The following ADGRV1 variants were observed in gnomAD, a reference collection of about 807,000 sequenced individuals.
ADGRV1 encodes the protein adhesion G protein-coupled receptor V1, also known as G-protein coupled receptor 98.
In ADGRV1, 359 loss-of-function variants were observed where a neutral mutation model predicts 596.2. That is an observed-to-expected ratio of 0.60 (90% CI 0.55 to 0.66). The LOEUF (loss-of-function observed/expected upper bound fraction) is 0.66, where lower values mean the gene tolerates loss of function less well. Ranked by LOEUF, ADGRV1 falls within the 30% of genes least tolerant of loss-of-function variation. The probability of loss-of-function intolerance (pLI) is 0.00; values close to 1 mark genes in which losing one functional copy is unlikely to be tolerated. For synonymous variants in ADGRV1, 2,681 were observed against 2,679.2 expected (o/e 1.00, Z -0.02); for missense variants, 7,274 against 7,575.6 (o/e 0.96, Z 1.48).
At chr5:90,926,223 G>T (rs1455317271) in intron 83 of ADGRV1, among the ~76,000 whole-genome samples, 2 of 152,062 alleles carry the variant, frequency 1.3e-5, no homozygotes, top group African/African-American at 4.8e-5. Flanking sequence ...CTTCCTCCTT[G>T]TACCTCTGGT....
intron 85 of ADGRV1, among the ~76,000 whole-genome samples, chr5:91,052,510 C>T (rs970071647): frequency 3.3e-5 from 5 of 151,536 alleles, no homozygotes; most frequent in Admixed American, 2.0e-4. Context: ...TCTCAGCTCA[C>T]TGCAGCCTCC....
intron 70 of ADGRV1, among the ~76,000 whole-genome samples, chr5:90,795,267 A>G (rs1200201441): frequency 6.6e-6 from 1 of 152,136 alleles, no homozygotes; most frequent in East Asian, 1.9e-4. Flanking sequence ...TCTCGCTGCC[A>G]GCACAGCAGC....
At chr5:90,916,555 T>C (rs1202832858) in intron 83 of ADGRV1, among the ~76,000 whole-genome samples, 1 of 152,124 alleles carries the variant, frequency 6.6e-6, no homozygotes, top group Non-Finnish European at 1.5e-5. Context: ...GTACATATTA[T>C]TCGATATTCA....
Position 90,645,977 on chromosome 5 carries a change from G to T in ADGRV1, c.2908G>T (p.Glu970Ter). ...IYSLPDEIPE[E>*]MEEFTVILLN... ...GTAACATTTTCCAAAGATTCCAGAA[G>T]AAATGGAAGAATTTACCGTTATCCT... is the stretch of plus-strand genomic sequence containing the variant. The change falls in exon 16 of 90, where the codon GAA becomes TAA. Residue 970 changes from glutamate to a stop codon, truncating the protein, a stop_gained. Coordinates refer to ENST00000405460, the MANE Select transcript of ADGRV1 (RefSeq NM_032119.4). LOFTEE classifies it high-confidence loss of function. 6.3e-7 allele frequency: 1 copy of T among 1,588,948 alleles called. No homozygotes were observed. The highest frequency in any genetic ancestry group is 1.2e-5 in the South Asian group (1 of 85,134).
At chr5:90,681,967 A>G (rs958047083) in intron 27 of ADGRV1, among the ~76,000 whole-genome samples, 1 of 151,812 alleles carries the variant, frequency 6.6e-6, no homozygotes, top group African/African-American at 2.4e-5. Flanking sequence ...CCTGGGTTCA[A>G]GCGATTCTCC....
chr5:90,702,264 C>T (rs1748003602), intron 34 of ADGRV1, among the ~76,000 whole-genome samples: 1 of 151,732 alleles, frequency 6.6e-6, no homozygotes. Context: ...ATACATAGTC[C>T]TTCATTTTCA....
chr5:90,815,331 A>G (rs893883657), intron 74 of ADGRV1, among the ~76,000 whole-genome samples: 2 of 152,220 alleles, frequency 1.3e-5, no homozygotes, highest in Non-Finnish European at 2.9e-5. Context: ...AATTTCAAGG[A>G]CTGTCAAATG....
In ADGRV1 at chr5:90,672,364, T is replaced by C. The variant is rs148522936; in HGVS notation, c.4753-182T>C. The stretch of plus-strand genomic sequence containing the variant: ...TAATGGAATGGGAGAAAATGAATGA[T>C]TGTAAATATTTCTTAGCAGTCAAAG... On this transcript the variant is annotated intron_variant, in intron 21 of 89. Coordinates refer to ENST00000405460, the MANE Select transcript of ADGRV1 (RefSeq NM_032119.4). 3.0e-3 allele frequency among the ~76,000 whole-genome samples: 458 copies of C among 152,326 alleles called. 1 individual carries two copies. The highest frequency in any genetic ancestry group is 0.01 in the African/African-American group (416 of 41,570).
At chr5:90,776,268 C>T (rs995506614) in intron 60 of ADGRV1, among the ~76,000 whole-genome samples, 185 bp from the exon 61 acceptor site, 2 of 152,084 alleles carry the variant, frequency 1.3e-5, no homozygotes, top group Non-Finnish European at 2.9e-5. Flanking sequence ...GATTTGCCTC[C>T]ATGTCTTCAA....
intron 85 of ADGRV1, among the ~76,000 whole-genome samples, chr5:91,051,475 G>T (rs1786313647): frequency 1.3e-5 from 2 of 151,578 alleles, no homozygotes; most frequent in Middle Eastern, 3.5e-3. Context: ...CATATTTAAG[G>T]TAGGCTAGGC....
intron 87 of ADGRV1, among the ~76,000 whole-genome samples, chr5:91,132,765 C>A (rs1794319881): frequency 1.3e-5 from 2 of 152,244 alleles, no homozygotes; most frequent in Middle Eastern, 6.8e-3. Flanking sequence ...GGGGAGAGGG[C>A]AGCACCTGCA....
At chr5:90,699,389 C>T (rs186534344) in intron 34 of ADGRV1, among the ~76,000 whole-genome samples, 123 of 151,864 alleles carry the variant, frequency 8.1e-4, no homozygotes, top group African/African-American at 2.9e-3. Context: ...GAACAGATGA[C>T]GGGAGCATTT....
chr5:91,159,650 G>C (rs2126953231), intron 89 of ADGRV1, among the ~76,000 whole-genome samples: 1 of 151,874 alleles, frequency 6.6e-6, no homozygotes, highest in African/African-American at 2.4e-5. Flanking sequence ...CACTTCCACA[G>C]GCAAATGAGA....
chr5:91,015,872 G>T (rs1386764440), intron 85 of ADGRV1, among the ~76,000 whole-genome samples: 1 of 151,868 alleles, frequency 6.6e-6, no homozygotes, highest in Non-Finnish European at 1.5e-5. Flanking sequence ...TTACATTCAA[G>T]GTTATTATTG....
At chr5:91,005,456 C>T (rs1782192813) in intron 85 of ADGRV1, among the ~76,000 whole-genome samples, 1 of 152,100 alleles carries the variant, frequency 6.6e-6, no homozygotes. Context: ...TCTGCCTCTG[C>T]CTCCCGAGTA....
intron 68 of ADGRV1, among the ~76,000 whole-genome samples, chr5:90,788,863 GACACACACAC>G (rs70973708): frequency 7.5e-5 from 11 of 146,940 alleles, no homozygotes; most frequent in African/African-American, 2.0e-4. Context: ...CACAGACACA[GACACACACAC>G]ACACACACAC....
chr5:90,637,305 A>G (rs1766339036), intron 10 of ADGRV1, among the ~76,000 whole-genome samples: 1 of 152,126 alleles, frequency 6.6e-6, no homozygotes, highest in African/African-American at 2.4e-5. Context: ...ATAATTTTCC[A>G]GTTTTAATCA....
At chr5:90,846,835 G>A (rs575915826) in intron 78 of ADGRV1, among the ~76,000 whole-genome samples, 5 of 152,212 alleles carry the variant, frequency 3.3e-5, no homozygotes, top group African/African-American at 9.6e-5. Context: ...TGATTGGTCC[G>A]TTTTACAGAG....
chr5:90,887,564 G>A (rs1229272199), intron 83 of ADGRV1, among the ~76,000 whole-genome samples: 2 of 152,124 alleles, frequency 1.3e-5, no homozygotes, highest in Non-Finnish European at 2.9e-5. Context: ...TGAATGATAA[G>A]CACTGAATGC....
Sources: gnomAD v4.1 joint callset for allele counts (sites outside exome capture counted in the v4.1 genomes callset) on GRCh38, gnomAD v4.1.1 for gene constraint, MANE v1.5 for transcripts, NCBI Gene and HGNC (gene_info 2026-07-23, HGNC 2026-07-21) for gene names.